Variants in ITSN1 observed in about 807,000 individuals in gnomAD.
ITSN1 encodes the protein intersectin-1.
ITSN1 carries 58 observed loss-of-function variants against 239.8 expected under a neutral mutation model. The observed-to-expected ratio is 0.24, with a 90% CI of 0.20 to 0.30. The LOEUF (loss-of-function observed/expected upper bound fraction) is 0.30. Among genes scored for constraint, ITSN1 ranks in the 10% least tolerant of loss-of-function variants. The probability of loss-of-function intolerance (pLI) is 1.00; values close to 1 mark genes in which losing one functional copy is unlikely to be tolerated. For missense variants in ITSN1, 1,558 were observed against 2,103.3 expected, an observed-to-expected ratio of 0.74 and a Z score of 5.07; for synonymous variants, 780 against 770.8, an observed-to-expected ratio of 1.01 and a Z score of -0.20.
intron 25 of ITSN1, among the ~76,000 whole-genome samples, chr21:33,824,609 T>C (rs1421901915): frequency 2.0e-5 from 3 of 152,014 alleles, no homozygotes; most frequent in Non-Finnish European, 4.4e-5. Context: ...AGTAGTAGAG[T>C]GTATACTGGG....
rs748847627 is a variant in ITSN1, at chr21:33,882,412, T to C, written c.4511T>C (p.Val1504Ala). The C allele has an allele frequency of 6.2e-7, 1 of 1,614,098 alleles. No individual in the cohort carries two copies. The highest frequency in any genetic ancestry group is 8.5e-7 in the Non-Finnish European group (1 of 1,180,024). The change falls in exon 35 of 40, where the codon GTC (valine) becomes GCC (alanine). Residue 1504 changes from valine (V) to alanine (A), a missense_variant. This residue lies in a region of ITSN1 where 576 missense variants were observed against 893.3 expected (regional missense o/e 0.64). Coordinates refer to ENST00000381318, the MANE Select transcript of ITSN1 (RefSeq NM_003024.3). This position sits in a 1 kb window ranked among gnomAD's most constrained non-coding sequence, Gnocchi z 4.5. The stretch of plus-strand genomic sequence containing the variant: ...TTGGGGTCTTCTGGCACCGACAAAG[T>C]CTTCAGCCCCAAATCAAACCTGCAG... ...KPLGSSGTDK[V>A]FSPKSNLQYK...
chr21:33,648,813 A>G (rs2088220606), intron 1 of ITSN1, among the ~76,000 whole-genome samples: 1 of 152,138 alleles, frequency 6.6e-6, no homozygotes, highest in Admixed American at 6.5e-5. Flanking sequence ...ACTGGGCAAC[A>G]TAGTGAGATC....
In ITSN1 at chr21:33,894,554, A is replaced by AG. The variant is rs1335857687; in HGVS notation, c.*6254_*6255insG. 13 of 152,220 alleles carry AG rather than the reference A, an allele frequency of 8.5e-5. No homozygotes were observed. The highest frequency in any genetic ancestry group is 7.9e-4 in the Admixed American group (12 of 15,280). The allele number at this position is 152,220 out of a possible 1,614,324, so 9.4% of individuals were successfully genotyped here. ...GACTTTTTGGTCAGCCTTGAAAAAA[A>AG]AAAAATCAGCATTTCTCTGATATTT... On this transcript the variant is annotated 3_prime_UTR_variant, in exon 40 of 40. Coordinates refer to ENST00000381318, the MANE Select transcript of ITSN1 (RefSeq NM_003024.3).
Position 33,893,720 on chromosome 21 carries a change from G to A in ITSN1, c.*5420G>A, listed in dbSNP as rs537699649. ...CCTGCTTCTTTGTACTTGGAACACA[G>A]TTTATTTGAGCTAGAGGAAAGGAAA... On this transcript the variant is annotated 3_prime_UTR_variant, in exon 40 of 40. Coordinates refer to ENST00000381318, the MANE Select transcript of ITSN1 (RefSeq NM_003024.3). 99 of 152,300 alleles carry A rather than the reference G, an allele frequency of 6.5e-4. No individual in the cohort carries two copies. The highest frequency in any genetic ancestry group is 2.2e-3 in the African/African-American group (93 of 41,560). 9.4% of individuals were successfully genotyped at this position (152,300 alleles called of 1,614,324 possible).
At chr21:33,712,406 G>C (rs1568999018) in intron 1 of ITSN1, among the ~76,000 whole-genome samples, 1 of 152,070 alleles carries the variant, frequency 6.6e-6, no homozygotes. Flanking sequence ...TGTGGACAGG[G>C]GTTCCTTTCT....
intron 1 of ITSN1, among the ~76,000 whole-genome samples, chr21:33,714,392 G>C (rs1183916574): frequency 6.6e-6 from 1 of 152,154 alleles, no homozygotes; most frequent in African/African-American, 2.4e-5. Context: ...GGTAAATGTA[G>C]TCTAATATTA....
chr21:33,653,077 C>G (rs2088693240), intron 1 of ITSN1, among the ~76,000 whole-genome samples: 1 of 151,858 alleles, frequency 6.6e-6, no homozygotes, highest in Non-Finnish European at 1.5e-5. Flanking sequence ...TCACTGCAAC[C>G]TCTGCCTCCC....
intron 1 of ITSN1, among the ~76,000 whole-genome samples, chr21:33,648,887 GAGAA>G (rs2088235121): frequency 6.6e-6 from 1 of 151,928 alleles, no homozygotes; most frequent in Non-Finnish European, 1.5e-5. Flanking sequence ...GAAAGAGAAA[GAGAA>G]GGAAGGAGAA....
chr21:33,841,958 G>A (rs2074838301), intron 29 of ITSN1, among the ~76,000 whole-genome samples: 1 of 137,546 alleles, frequency 7.3e-6, no homozygotes, highest in African/African-American at 2.8e-5. Context: ...TTTTTTTTGA[G>A]ACGGTTCACC....
intron 9 of ITSN1, among the ~76,000 whole-genome samples, chr21:33,763,151 A>G (rs1330213579): frequency 7.5e-6 from 1 of 133,964 alleles, no homozygotes; most frequent in East Asian, 2.3e-4. Context: ...TCCATCTTTT[A>G]TGTCTCCTTT....
At position 33,797,648 on chromosome 21, in the gene ITSN1, T is replaced by C; in HGVS notation, c.2182+40T>C. On this transcript the variant is annotated intron_variant, in intron 18 of 39. Coordinates refer to ENST00000381318, the MANE Select transcript of ITSN1 (RefSeq NM_003024.3). The surrounding 1 kb of genome is among the most constrained non-coding windows in gnomAD (Gnocchi z 4.9). ...AAATAATTATAGAAAATAAGTCATC[T>C]TCTCTCCCAGAGCCTCCTGAAAAAT... The C allele has an allele frequency of 3.9e-6, 6 of 1,554,362 alleles. No homozygotes were observed. Among genetic ancestry groups the C allele is most frequent in the Non-Finnish European group, 5.3e-6 (6 of 1,130,252 alleles).
chr21:33,749,730 T>C (rs900265228), intron 5 of ITSN1, among the ~76,000 whole-genome samples: 1 of 152,156 alleles, frequency 6.6e-6, no homozygotes, highest in Non-Finnish European at 1.5e-5. Flanking sequence ...ATAATAAACA[T>C]AGGAAAGGCA....
At chr21:33,715,997 T>C (rs2065114692) in intron 1 of ITSN1, among the ~76,000 whole-genome samples, 1 of 152,106 alleles carries the variant, frequency 6.6e-6, no homozygotes, top group African/African-American at 2.4e-5. Context: ...AAGGAGACAG[T>C]GACCAAAGAT....
intron 16 of ITSN1, among the ~76,000 whole-genome samples, chr21:33,783,971 A>T (rs1003580532): frequency 4.6e-5 from 7 of 152,328 alleles, no homozygotes; most frequent in Non-Finnish European, 1.0e-4. Flanking sequence ...CACCCTTAAT[A>T]TGTGGCGAGT....
intron 5 of ITSN1, among the ~76,000 whole-genome samples, chr21:33,740,092 A>G (rs964979440): frequency 1.3e-5 from 2 of 152,228 alleles, no homozygotes; most frequent in Non-Finnish European, 1.5e-5. Context: ...TCACATGAAT[A>G]ACTAGATGGA....
At chr21:33,782,922 G>T (rs1004907741) in intron 16 of ITSN1, among the ~76,000 whole-genome samples, 9 of 149,172 alleles carry the variant, frequency 6.0e-5, no homozygotes, top group African/African-American at 1.8e-4. Context: ...CTACTTGGGA[G>T]GCTGAGGCAG....
intron 1 of ITSN1, among the ~76,000 whole-genome samples, chr21:33,687,321 C>G (rs1347405912): frequency 6.8e-6 from 1 of 146,274 alleles, no homozygotes; most frequent in Admixed American, 7.0e-5. Context: ...TTGCTTGAAC[C>G]TGTGAGGCAG....
At chr21:33,821,235 C>G (rs1192336085) in intron 24 of ITSN1, among the ~76,000 whole-genome samples, 1 of 152,128 alleles carries the variant, frequency 6.6e-6, no homozygotes, top group Non-Finnish European at 1.5e-5. Flanking sequence ...CATGCATGTA[C>G]TTAAAATTGG....
Position 33,883,567 on chromosome 21 carries a change from G to A in ITSN1, c.4572G>A (p.Glu1524=), listed in dbSNP as rs775011305. 2 of 1,613,650 alleles carry A rather than the reference G, an allele frequency of 1.2e-6. No individual in the cohort carries two copies. Among genetic ancestry groups the A allele is most frequent in the East Asian group, 4.5e-5 (2 of 44,860 alleles). Residue 1524 remains glutamate, a synonymous_variant, in exon 36 of 40, where the codon GAG becomes GAA. Coordinates refer to ENST00000381318, the MANE Select transcript of ITSN1 (RefSeq NM_003024.3). ...KMYKTPIFLN[E]VLVKLPTDPS... ...CTTTCCAGCCTATTTTCCTAAATGA[G>A]GTTCTAGTAAAATTACCCACCGACC... is the stretch of plus-strand genomic sequence containing the variant.
Sources: gnomAD v4.1 joint callset for allele counts (sites outside exome capture counted in the v4.1 genomes callset) on GRCh38, gnomAD v4.1.1 for gene constraint, gnomAD v4.1.1 regional missense constraint, Gnocchi (gnomAD v3.1) non-coding constraint, MANE v1.5 for transcripts, NCBI Gene and HGNC (gene_info 2026-07-23, HGNC 2026-07-21) for gene names.